The following PCDHGA6 variants were observed in gnomAD, a reference collection of about 807,000 sequenced individuals.
PCDHGA6 encodes protocadherin gamma-A6.
PCDHGA6 carries 41 observed loss-of-function variants against 60.6 expected under a neutral mutation model. The observed-to-expected ratio is 0.68, with a 90% CI of 0.53 to 0.88. The LOEUF (loss-of-function observed/expected upper bound fraction) is 0.88. Ranked by LOEUF, PCDHGA6 falls within the 40% of genes least tolerant of loss-of-function variation. The pLI, the probability that PCDHGA6 is intolerant of heterozygous loss-of-function variation, is 0.00. For synonymous variants in PCDHGA6, 594 were observed against 524.4 expected (o/e 1.13, Z -1.81); for missense variants, 1,312 against 1,203.0 (o/e 1.09, Z -1.34).
At chr5:141,400,776 GT>G (rs1167512157) in intron 1 of PCDHGA6, 17 of 557,594 alleles carry the variant, frequency 3.0e-5, no homozygotes, top group East Asian at 1.8e-4. Flanking sequence ...CATTTGGTGC[GT>G]TTTTTTGTCC....
chr5:141,396,620 A>C (rs1222901061), intron 1 of PCDHGA6: 1 of 142,662 alleles, frequency 7.0e-6, no homozygotes, highest in Admixed American at 7.0e-5. Flanking sequence ...ACTCCGTCTC[A>C]AAAAAAAAAA....
rs1340974686 is a variant in PCDHGA6, at chr5:141,477,604, C to T, written c.2425-17203C>T. The T allele has an allele frequency of 6.2e-7, 1 of 1,614,084 alleles. No individual in the cohort carries two copies. Among genetic ancestry groups the T allele is most frequent in the Non-Finnish European group, 8.5e-7 (1 of 1,180,054 alleles). ...AGAATGCTCGGCTTTCTTTCTTTCT[C>T]TTGGAGCAAGGAGCTGAAACCGGGC... On this transcript the variant is annotated intron_variant, in intron 1 of 3. Coordinates refer to ENST00000517434, the MANE Select transcript of PCDHGA6 (RefSeq NM_018919.3). The surrounding 1 kb of genome is among the most constrained non-coding windows in gnomAD (Gnocchi z 4.9).
In PCDHGA6 at chr5:141,489,200, G is replaced by A. The variant is rs1483035320; in HGVS notation, c.2425-5607G>A. The A allele has an allele frequency of 2.8e-6, 4 of 1,412,792 alleles. No individual in the cohort carries two copies. The highest frequency in any genetic ancestry group is 3.9e-6 in the Non-Finnish European group (4 of 1,038,374). The allele number at this position is 1,412,792 out of a possible 1,614,324, so 87.5% of individuals were successfully genotyped here. A position where few individuals can be genotyped will look rare whatever the true frequency, so the allele number is the denominator to read the frequency against. On this transcript the variant is annotated intron_variant, in intron 1 of 3. Coordinates refer to ENST00000517434, the MANE Select transcript of PCDHGA6 (RefSeq NM_018919.3). This position sits in a 1 kb window ranked among gnomAD's most constrained non-coding sequence, Gnocchi z 4.5. ...AAGCCCTGGGTCTACCTTGGAGACAGGACAGCACAGACTTACTCTCCACAA... is the reference window on the plus strand; with the variant it reads ...AAGCCCTGGGTCTACCTTGGAGACAAGACAGCACAGACTTACTCTCCACAA...
At chr5:141,387,439 A>G (rs1437445923) in intron 1 of PCDHGA6, among the ~76,000 whole-genome samples, 2 of 152,248 alleles carry the variant, frequency 1.3e-5, no homozygotes, top group African/African-American at 4.8e-5. Context: ...TTATGTACTT[A>G]ATCTACATGA....
Position 141,490,008 on chromosome 5 carries a change from C to T in PCDHGA6, c.2425-4799C>T. 6.2e-7 allele frequency: 1 copy of T among 1,614,230 alleles called. No homozygotes were observed. ...GTGTGGGAATCCCAGAGAATGCACC[C>T]ATTGGTACTCTGCTGCTCCGCCTCA... On this transcript the variant is annotated intron_variant, in intron 1 of 3. Transcript: ENST00000517434. This position sits in a 1 kb window ranked among gnomAD's most constrained non-coding sequence, Gnocchi z 5.4.
intron 1 of PCDHGA6, among the ~76,000 whole-genome samples, chr5:141,459,971 A>G (rs1458539493): frequency 2.6e-5 from 4 of 152,208 alleles, no homozygotes; most frequent in Non-Finnish European, 5.9e-5. Flanking sequence ...CCAGCTACTC[A>G]GGAGGCTGAG....
intron 1 of PCDHGA6, chr5:141,478,437 A>G (rs2099455876): frequency 6.2e-7 from 1 of 1,613,758 alleles, no homozygotes; most frequent in African/African-American, 1.3e-5. Flanking sequence ...CCGCTGCTGA[A>G]GAAACCTGGT....
chr5:141,450,220 G>A (rs898186696), intron 1 of PCDHGA6, among the ~76,000 whole-genome samples: 12 of 151,956 alleles, frequency 7.9e-5, no homozygotes, highest in African/African-American at 2.9e-4. Flanking sequence ...GTTTCACTAT[G>A]TTGGCCAGGC....
chr5:141,501,971 G>A (rs2099812098), intron 2 of PCDHGA6, among the ~76,000 whole-genome samples: 1 of 151,956 alleles, frequency 6.6e-6, no homozygotes. Context: ...CCTAACCTCT[G>A]GCATCTGGTC....
At chr5:141,488,691 G>A (rs1443084778) in intron 1 of PCDHGA6, among the ~76,000 whole-genome samples, 2 of 152,192 alleles carry the variant, frequency 1.3e-5, no homozygotes, top group Non-Finnish European at 2.9e-5. Flanking sequence ...CTCCCAGAAG[G>A]ACAAGATTTT....
rs537850909 is a variant in PCDHGA6 at position 141,441,865 on chromosome 5, G to A, written c.2425-52942G>A. ...CTTGGATATGGTGCTGCACGCCGCG[G>A]AGCCTGGCTACCTGGTCACCAAGGT... On this transcript the variant is annotated intron_variant, in intron 1 of 3. Coordinates refer to ENST00000517434, the MANE Select transcript of PCDHGA6 (RefSeq NM_018919.3). The A allele has an allele frequency of 4.0e-4, 138 of 345,718 alleles. 1 individual carries two copies. The Admixed American group carries it at 4.6e-3, about 12-fold the overall frequency. The allele number at this position is 345,718 out of a possible 1,614,324, so 21.4% of individuals were successfully genotyped here. A position where few individuals can be genotyped will look rare whatever the true frequency, so the allele number is the denominator to read the frequency against.
intron 1 of PCDHGA6, among the ~76,000 whole-genome samples, chr5:141,488,635 C>T (rs1476156734): frequency 6.6e-6 from 1 of 152,152 alleles, no homozygotes; most frequent in Non-Finnish European, 1.5e-5. Flanking sequence ...ACCTTAGCAG[C>T]ATTCAGCAGG....
intron 1 of PCDHGA6, among the ~76,000 whole-genome samples, chr5:141,456,968 A>AAAAC (rs202005606): frequency 1.3e-4 from 20 of 152,282 alleles, no homozygotes; most frequent in Middle Eastern, 3.4e-3. Flanking sequence ...ATCTCAAAAC[A>AAAAC]AAACAAACAA....
Position 141,431,363 on chromosome 5 carries a change from C to A in PCDHGA6, c.2424+54856C>A. ...ATTGGTGCTGAAACGCGCCCTGGAC[C>A]GCGAAGAAAAGGCTGCTCACCACCT... On this transcript the variant is annotated intron_variant, in intron 1 of 3. Transcript: ENST00000517434. The surrounding 1 kb of genome is among the most constrained non-coding windows in gnomAD (Gnocchi z 4.8). 1 of 1,614,024 alleles carries A rather than the reference C, an allele frequency of 6.2e-7. No homozygotes were observed. Among genetic ancestry groups the A allele is most frequent in the Non-Finnish European group, 8.5e-7 (1 of 1,180,028 alleles).
At chr5:141,386,997 C>T (rs1001565782) in intron 1 of PCDHGA6, among the ~76,000 whole-genome samples, 2 of 152,070 alleles carry the variant, frequency 1.3e-5, no homozygotes, top group African/African-American at 4.8e-5. Context: ...ATGTATTATC[C>T]CCCTGATAAC....
At position 141,374,003 on chromosome 5, in the gene PCDHGA6, C is replaced by T. The variant is rs1160076904; in HGVS notation, c.-81C>T. 1.5e-6 allele frequency: 2 copies of T among 1,320,324 alleles called. No individual in the cohort carries two copies. Among genetic ancestry groups the T allele is most frequent in the African/African-American group, 3.0e-5 (2 of 67,234 alleles). 81.8% of individuals were successfully genotyped at this position (1,320,324 alleles called of 1,614,324 possible). A position where few individuals can be genotyped will look rare whatever the true frequency, so the allele number is the denominator to read the frequency against. On this transcript the variant is annotated 5_prime_UTR_variant, in exon 1 of 4. Coordinates refer to ENST00000517434, the MANE Select transcript of PCDHGA6 (RefSeq NM_018919.3). Reference sequence around the variant, plus strand: ...TCTCTGCTTGTTGAAGGACCTTCACCGCTATTTCTGAGAAGAGCAAAAGTG... The same window carrying T: ...TCTCTGCTTGTTGAAGGACCTTCACTGCTATTTCTGAGAAGAGCAAAAGTG...
At chr5:141,422,167 A>G in intron 1 of PCDHGA6, 1 of 1,562,764 alleles carries the variant, frequency 6.4e-7, no homozygotes, top group Non-Finnish European at 8.6e-7. Context: ...TGAAAAATAT[A>G]GATTCTATGA....
chr5:141,450,991 AT>A (rs1351194705), intron 1 of PCDHGA6, among the ~76,000 whole-genome samples: 2 of 150,700 alleles, frequency 1.3e-5, no homozygotes, highest in Non-Finnish European at 1.5e-5. Context: ...CACCCGGCTA[AT>A]TTTTTTGTAT....
At chr5:141,446,493 T>C (rs1416449558) in intron 1 of PCDHGA6, among the ~76,000 whole-genome samples, 2 of 152,152 alleles carry the variant, frequency 1.3e-5, no homozygotes. Flanking sequence ...TTTTTTTTTT[T>C]TGAGATGGAG....
Sources: gnomAD v4.1 joint callset for allele counts (sites outside exome capture counted in the v4.1 genomes callset) on GRCh38, gnomAD v4.1.1 for gene constraint, Gnocchi (gnomAD v3.1) non-coding constraint, MANE v1.5 for transcripts, NCBI Gene and HGNC (gene_info 2026-07-23, HGNC 2026-07-21) for gene names.